TLK1: variants seen among roughly 807,000 people sequenced by gnomAD.
TLK1 encodes tousled like kinase 1.
TLK1 carries 24 observed loss-of-function variants against 105.3 expected under a neutral mutation model. That is an observed-to-expected ratio of 0.23 (90% confidence interval 0.17 to 0.32). TLK1 has a LOEUF of 0.32. TLK1 is among the 10% of genes least tolerant of loss of function. The pLI is 1.00. For missense variants in TLK1, 558 were observed against 910.5 expected, an observed-to-expected ratio of 0.61 and a Z score of 4.98; for synonymous variants, 321 against 310.4, an observed-to-expected ratio of 1.03 and a Z score of -0.36.
intron 11 of TLK1, among the ~76,000 whole-genome samples, chr2:171,039,774 A>T (rs1329534451): frequency 3.3e-5 from 5 of 152,200 alleles, no homozygotes; most frequent in African/African-American, 1.2e-4. Flanking sequence ...CTCTTCAAGT[A>T]ACTACCAACC....
In TLK1 at chr2:171,077,905, C is replaced by T. The variant is rs150776693; in HGVS notation, c.330+4876G>A. 9.6e-4 allele frequency among the ~76,000 whole-genome samples: 146 copies of T among 152,240 alleles called. 4 individuals carry two copies. In the East Asian group the frequency reaches 0.019, roughly 20 times the overall value. ...GTTAAAAAGTCAAATAATGTGTTGGCGCTTTTATAAAAAACACTTGACTTT... is the reference window on the plus strand; with the variant it reads ...GTTAAAAAGTCAAATAATGTGTTGGTGCTTTTATAAAAAACACTTGACTTT... On this transcript the variant is annotated intron_variant, in intron 3 of 20. Coordinates refer to ENST00000431350, the MANE Select transcript of TLK1 (RefSeq NM_012290.5).
At chr2:171,213,721 T>C (rs938446265) in intron 1 of TLK1, among the ~76,000 whole-genome samples, 1 of 145,482 alleles carries the variant, frequency 6.9e-6, no homozygotes, top group Non-Finnish European at 1.5e-5. Flanking sequence ...CCCCTGGAGT[T>C]TGAGGCTTAT....
intron 3 of TLK1, among the ~76,000 whole-genome samples, chr2:171,074,614 G>T (rs112568984): frequency 7.4e-6 from 1 of 135,362 alleles, no homozygotes; most frequent in South Asian, 2.3e-4. Flanking sequence ...GTGACAGAGC[G>T]AGACTCTGCC....
chr2:171,093,892 C>CT (rs1029186871), intron 2 of TLK1, among the ~76,000 whole-genome samples: 24 of 151,804 alleles, frequency 1.6e-4, no homozygotes, highest in African/African-American at 5.3e-4. Context: ...TAGACGCCAC[C>CT]TGATTGTAGC....
In TLK1 at chr2:171,041,062, C is replaced by A. The variant is rs1166776411; in HGVS notation, c.1169+5112G>T. Among the ~76,000 whole-genome samples the A allele has an allele frequency of 7.9e-5, 12 of 152,164 alleles. No homozygotes were observed. The East Asian group carries it at 2.1e-3, about 27-fold the overall frequency. Reference sequence around the variant, plus strand: ...TTTGAAATATATTTTAAGTAAAAATCTTGGTTAAAATGTATTAGTAAAGGA... The same window carrying A: ...TTTGAAATATATTTTAAGTAAAAATATTGGTTAAAATGTATTAGTAAAGGA... On this transcript the variant is annotated intron_variant, in intron 11 of 20. Coordinates refer to ENST00000431350, the MANE Select transcript of TLK1 (RefSeq NM_012290.5).
chr2:170,996,442 A>T (rs752223727), intron 20 of TLK1, among the ~76,000 whole-genome samples: 4 of 152,350 alleles, frequency 2.6e-5, no homozygotes, highest in Non-Finnish European at 4.4e-5. Flanking sequence ...GAACATAAAC[A>T]ATCAGAGACC....
chr2:171,048,014 T>C (rs1687041059), intron 10 of TLK1, among the ~76,000 whole-genome samples: 1 of 152,222 alleles, frequency 6.6e-6, no homozygotes, highest in South Asian at 2.1e-4. Flanking sequence ...AGTGGCATGA[T>C]CTCGGCTCAC....
At chr2:171,125,281 T>C (rs961915105) in intron 1 of TLK1, among the ~76,000 whole-genome samples, 2 of 152,208 alleles carry the variant, frequency 1.3e-5, no homozygotes, top group Non-Finnish European at 2.9e-5. Context: ...CATAGTGTAG[T>C]ATATGATTAG....
At chr2:171,071,626 G>C (rs377011003) in intron 3 of TLK1, among the ~76,000 whole-genome samples, 1 of 151,466 alleles carries the variant, frequency 6.6e-6, no homozygotes, top group Non-Finnish European at 1.5e-5. Context: ...TGTGCTTGTC[G>C]GGTATTACTT....
chr2:171,187,352 G>A (rs1446226462), intron 1 of TLK1, among the ~76,000 whole-genome samples: 1 of 152,138 alleles, frequency 6.6e-6, no homozygotes, highest in African/African-American at 2.4e-5. Flanking sequence ...AGGGTCCAAG[G>A]TCTTAACTGT....
At chr2:171,150,797 G>A (rs187575902) in intron 1 of TLK1, among the ~76,000 whole-genome samples, 75 of 152,302 alleles carry the variant, frequency 4.9e-4, no homozygotes, top group East Asian at 7.7e-4. Flanking sequence ...ACAATACCCA[G>A]TATGTGAACC....
At chr2:171,149,976 T>A (rs984804958) in intron 1 of TLK1, among the ~76,000 whole-genome samples, 1 of 152,104 alleles carries the variant, frequency 6.6e-6, no homozygotes, top group Middle Eastern at 3.2e-3. Context: ...ATAATAAAAA[T>A]TTTTAAATGA....
intron 11 of TLK1, among the ~76,000 whole-genome samples, chr2:171,036,863 A>G (rs1439510706): frequency 6.6e-6 from 1 of 152,212 alleles, no homozygotes; most frequent in Non-Finnish European, 1.5e-5. Context: ...TGTACTCTGC[A>G]TGTGGAAAGG....
chr2:171,227,944 G>A (rs1693932227), intron 1 of TLK1, among the ~76,000 whole-genome samples: 1 of 152,184 alleles, frequency 6.6e-6, no homozygotes, highest in Admixed American at 6.5e-5. Flanking sequence ...GGAAAGCTGA[G>A]GCAGGTGGAT....
chr2:171,067,661 G>A (rs919372991), intron 3 of TLK1, among the ~76,000 whole-genome samples: 2 of 151,810 alleles, frequency 1.3e-5, no homozygotes, highest in Non-Finnish European at 1.5e-5. Flanking sequence ...TGTGCAGAAC[G>A]TACAAGTTTG....
Position 171,013,715 on chromosome 2 carries a change from CAAG to C in TLK1, c.1334+1133_1334+1135del, listed in dbSNP as rs1295054419. On this transcript the variant is annotated intron_variant, in intron 13 of 20. Transcript: ENST00000431350. ...ATGAATTATACATACATAGACATCA[CAAG>C]AAGACCTTTCTAAGCAAGATTTTCA... is the stretch of plus-strand genomic sequence containing the variant. Among the ~76,000 whole-genome samples, 6 of 152,264 alleles carry C rather than the reference CAAG, an allele frequency of 3.9e-5. No individual in the cohort carries two copies. In the East Asian group the frequency reaches 5.8e-4, roughly 15 times the overall value.
At chr2:171,005,092 G>A (rs1284438979) in intron 18 of TLK1, among the ~76,000 whole-genome samples, 1 of 152,202 alleles carries the variant, frequency 6.6e-6, no homozygotes, top group East Asian at 1.9e-4. Flanking sequence ...TCACATTTAT[G>A]TTTGTAGTCA....
rs140010928 is a variant in TLK1, at chr2:171,028,551, T to A, written c.1170-146A>T. On this transcript the variant is annotated intron_variant, in intron 11 of 20. Transcript: ENST00000431350. ...ATGAGCCAAAAATCCTTTGAGATAT[T>A]CTTCAGAATATATTTAATACTTTTA... 552 of 583,502 alleles carry A rather than the reference T, an allele frequency of 9.5e-4. 7 individuals carry two copies. The East Asian group carries it at 0.016, about 17-fold the overall frequency. The allele number at this position is 583,502 out of a possible 1,614,324, so 36.1% of individuals were successfully genotyped here.
At chr2:171,035,391 CTT>C (rs1264356468) in intron 11 of TLK1, among the ~76,000 whole-genome samples, 3 of 151,766 alleles carry the variant, frequency 2.0e-5, no homozygotes, top group African/African-American at 7.3e-5. Context: ...GCACTCTTCT[CTT>C]GTCTGCCACC....
Sources: gnomAD v4.1 joint callset for allele counts (sites outside exome capture counted in the v4.1 genomes callset) on GRCh38, gnomAD v4.1.1 for gene constraint, MANE v1.5 for transcripts, NCBI Gene and HGNC (gene_info 2026-07-23, HGNC 2026-07-21) for gene names.